THSD7B: variants seen among roughly 807,000 people sequenced by gnomAD.
THSD7B encodes the protein thrombospondin type 1 domain containing 7B, also known as thrombospondin type-1 domain-containing protein 7B.
In THSD7B, 138 loss-of-function variants were observed where a neutral mutation model predicts 213.6. The observed-to-expected ratio is 0.65, with a 90% confidence interval of 0.56 to 0.74. THSD7B has a LOEUF of 0.74. Among genes scored for constraint, THSD7B ranks in the 30% least tolerant of loss-of-function variants. THSD7B has a pLI of 0.00. For synonymous variants in THSD7B, 742 were observed against 687.0 expected (o/e 1.08, Z -1.25); for missense variants, 1,931 against 1,991.5 (o/e 0.97, Z 0.58).
chr2:136,779,196 ATATGTGTGTGTG>A (rs1429687750), intron 1 of THSD7B, among the ~76,000 whole-genome samples: 56 of 134,360 alleles, frequency 4.2e-4, no homozygotes, highest in South Asian at 2.2e-3. Flanking sequence ...CTATATATAT[ATATGTGTGTGTG>A]TGTGTGTGTG....
At chr2:137,348,506 T>C (rs1414209029) in intron 12 of THSD7B, among the ~76,000 whole-genome samples, 2 of 151,658 alleles carry the variant, frequency 1.3e-5, no homozygotes, top group African/African-American at 4.8e-5. Flanking sequence ...AATGTCCTTA[T>C]GTTGCACCAG....
chr2:136,821,251 T>C (rs970717060), intron 1 of THSD7B, among the ~76,000 whole-genome samples: 2 of 152,160 alleles, frequency 1.3e-5, no homozygotes, highest in African/African-American at 4.8e-5. Flanking sequence ...AGCTTCCATA[T>C]CCAATGTACT....
At chr2:137,219,345 G>C (rs1373648067) in intron 7 of THSD7B, among the ~76,000 whole-genome samples, 1 of 152,088 alleles carries the variant, frequency 6.6e-6, no homozygotes, top group Non-Finnish European at 1.5e-5. Flanking sequence ...GTTTTCCCAA[G>C]TACAAGAATT....
intron 7 of THSD7B, among the ~76,000 whole-genome samples, chr2:137,227,004 A>G (rs1413608810): frequency 6.6e-6 from 1 of 152,208 alleles, no homozygotes; most frequent in Admixed American, 6.5e-5. Context: ...TATATATAAA[A>G]TATTCAGAAT....
intron 12 of THSD7B, among the ~76,000 whole-genome samples, chr2:137,362,086 C>A (rs936040437): frequency 6.6e-6 from 1 of 152,238 alleles, no homozygotes; most frequent in Admixed American, 6.5e-5. Context: ...ATTCAACATT[C>A]TTAAAGAAAA....
intron 15 of THSD7B, among the ~76,000 whole-genome samples, chr2:137,458,803 G>A (rs978086767): frequency 2.6e-5 from 4 of 152,032 alleles, no homozygotes; most frequent in Non-Finnish European, 5.9e-5. Context: ...TTCTTGTAAA[G>A]TGCTTTTATT....
chr2:137,606,561 G>A (rs117987016), intron 17 of THSD7B, among the ~76,000 whole-genome samples: 2,986 of 152,194 alleles, frequency 0.02, 44 homozygotes, highest in Middle Eastern at 0.071. Flanking sequence ...TGTCATAGAA[G>A]TGGCCCCTTC....
chr2:137,642,954 C>T (rs1014521877), intron 21 of THSD7B, among the ~76,000 whole-genome samples: 7 of 152,134 alleles, frequency 4.6e-5, no homozygotes, highest in South Asian at 2.1e-4. Context: ...TTTAATTAGG[C>T]GAAAATCCTG....
intron 2 of THSD7B, among the ~76,000 whole-genome samples, chr2:136,889,496 A>G (rs1243258021): frequency 1.3e-5 from 2 of 152,216 alleles, no homozygotes; most frequent in East Asian, 3.8e-4. Flanking sequence ...AAAATATTTA[A>G]ATCAACAAAC....
At chr2:137,020,547 C>T (rs1686423993) in intron 2 of THSD7B, among the ~76,000 whole-genome samples, 1 of 152,080 alleles carries the variant, frequency 6.6e-6, no homozygotes, top group African/African-American at 2.4e-5. Context: ...TGCCAGGACC[C>T]CCCGTTATTT....
At chr2:136,982,612 T>C (rs1685601302) in intron 2 of THSD7B, among the ~76,000 whole-genome samples, 1 of 152,166 alleles carries the variant, frequency 6.6e-6, no homozygotes, top group Non-Finnish European at 1.5e-5. Context: ...TGTGGAATTG[T>C]CTTGGGAGTC....
At chr2:137,437,501 G>A (rs1251726117) in intron 14 of THSD7B, among the ~76,000 whole-genome samples, 2 of 152,240 alleles carry the variant, frequency 1.3e-5, no homozygotes, top group East Asian at 1.9e-4. Context: ...ATCGCCACTT[G>A]ACAAAATTAT....
chr2:137,654,145 A>G (rs945436569), intron 21 of THSD7B, among the ~76,000 whole-genome samples: 1 of 151,896 alleles, frequency 6.6e-6, no homozygotes, highest in African/African-American at 2.4e-5. Context: ...TCTTTTTAGC[A>G]CTATATAGCA....
intron 1 of THSD7B, among the ~76,000 whole-genome samples, chr2:136,831,502 G>A (rs1174700773): frequency 1.3e-5 from 2 of 152,186 alleles, no homozygotes; most frequent in Non-Finnish European, 2.9e-5. Context: ...TGGTAGAATA[G>A]CTAACCTTTA....
chr2:137,074,946 G>A (rs182152143), intron 3 of THSD7B, among the ~76,000 whole-genome samples: 3 of 152,294 alleles, frequency 2.0e-5, no homozygotes, highest in Non-Finnish European at 2.9e-5. Flanking sequence ...AGTTTCTGCC[G>A]AGATATCAGC....
intron 12 of THSD7B, among the ~76,000 whole-genome samples, chr2:137,359,080 A>G (rs1177590657): frequency 6.6e-6 from 1 of 152,240 alleles, no homozygotes; most frequent in Non-Finnish European, 1.5e-5. Context: ...GGCCTTCTAC[A>G]ATTTCATGTG....
chr2:137,311,585 G>GT (rs1558752901), intron 12 of THSD7B, among the ~76,000 whole-genome samples: 2 of 152,062 alleles, frequency 1.3e-5, no homozygotes. Context: ...TCTTGTGCCC[G>GT]TTTTCAAAGG....
chr2:137,494,364 C>T (rs528094720), intron 15 of THSD7B, among the ~76,000 whole-genome samples: 42 of 152,006 alleles, frequency 2.8e-4, no homozygotes, highest in Non-Finnish European at 2.6e-4. Flanking sequence ...GGAATTTACT[C>T]CTTTAAAAAA....
chr2:137,612,094 C>T (rs1682299698), intron 17 of THSD7B, among the ~76,000 whole-genome samples: 1 of 152,050 alleles, frequency 6.6e-6, no homozygotes, highest in African/African-American at 2.4e-5. Context: ...CTTAAATCTG[C>T]AATTCAAATT....
Sources: allele counts gnomAD v4.1 joint callset (sites outside exome capture counted in the v4.1 genomes callset), GRCh38; gene constraint gnomAD v4.1.1; transcripts MANE v1.5; gene names NCBI Gene and HGNC (gene_info 2026-07-23, HGNC 2026-07-21).